CCDC85A: variants seen among roughly 807,000 people sequenced by gnomAD.
CCDC85A encodes the protein coiled-coil domain containing 85A.
A neutral mutation model predicts 50.2 loss-of-function variants in CCDC85A; 38 were observed. That is an observed-to-expected ratio of 0.76 (90% CI 0.58 to 0.99). The LOEUF is 0.99. Among genes scored for constraint, CCDC85A ranks in the 50% least tolerant of loss-of-function variants. The pLI is 0.00. For missense variants in CCDC85A, 820 were observed against 742.0 expected (o/e 1.11, Z -1.22); for synonymous variants, 366 against 301.4 (o/e 1.21, Z -2.22).
chr2:56,261,169 A>C (rs1261470082), intron 2 of CCDC85A, among the ~76,000 whole-genome samples: 2 of 152,128 alleles, frequency 1.3e-5, no homozygotes, highest in African/African-American at 4.8e-5. Flanking sequence ...GGATAATGAA[A>C]CCTCCTTCAT....
At position 56,385,529 on chromosome 2, in the gene CCDC85A, T is replaced by C. The variant is rs1676783633; in HGVS notation, c.*1174T>C. On this transcript the variant is annotated 3_prime_UTR_variant, in exon 6 of 6. Transcript: ENST00000407595. ...TAATCCAAATGCAATGATAGTTTCT[T>C]GTATGAATGTGCAAGAGGCCTGTGA... is the stretch of plus-strand genomic sequence containing the variant. 6.6e-6 allele frequency: 1 copy of C among 152,258 alleles called. No individual in the cohort carries two copies. The highest frequency in any genetic ancestry group is 2.4e-5 in the African/African-American group (1 of 41,400). 9.4% of individuals were successfully genotyped at this position (152,258 alleles called of 1,614,324 possible). A position where few individuals can be genotyped will look rare whatever the true frequency, so the allele number is the denominator to read the frequency against.
At chr2:56,347,700 G>C (rs781493469) in intron 3 of CCDC85A, among the ~76,000 whole-genome samples, 4 of 152,158 alleles carry the variant, frequency 2.6e-5, no homozygotes, top group African/African-American at 4.8e-5. Context: ...GGGCCTTTTG[G>C]TTCAGAGTGA....
chr2:56,186,378 T>C (rs1444847855), intron 1 of CCDC85A, among the ~76,000 whole-genome samples: 1 of 152,218 alleles, frequency 6.6e-6, no homozygotes, highest in Admixed American at 6.5e-5. Flanking sequence ...CCTCCTTTTA[T>C]TCACCAATAC....
intron 2 of CCDC85A, among the ~76,000 whole-genome samples, chr2:56,257,508 A>T (rs1202466714): frequency 6.6e-6 from 1 of 152,110 alleles, no homozygotes; most frequent in Non-Finnish European, 1.5e-5. Context: ...AGGTGGGAGA[A>T]GTTAGGGTTG....
chr2:56,192,477 G>C lies in CCDC85A; in HGVS notation c.277G>C (p.Asp93His). The change falls in exon 2 of 6, where the codon GAT (aspartate) becomes CAT (histidine). Residue 93 changes from aspartate (D) to histidine (H), a missense_variant and splice_region_variant. Transcript: ENST00000407595. This position sits in a 1 kb window ranked among gnomAD's most constrained non-coding sequence, Gnocchi z 4.7. ...TGAATGGTTGTGTCTCTCTTTTCAG[G>C]ATATCAACCAGAAACTCCAGGAAGA... The part of the protein sequence containing the change: ...LHLGEIRGLK[D>H]INQKLQEDNQ... The C allele has an allele frequency of 6.2e-7, 1 of 1,605,956 alleles. No individual in the cohort carries two copies. Among genetic ancestry groups the C allele is most frequent in the Non-Finnish European group, 8.5e-7 (1 of 1,176,170 alleles).
At chr2:56,262,383 A>C (rs969530924) in intron 2 of CCDC85A, among the ~76,000 whole-genome samples, 2 of 152,168 alleles carry the variant, frequency 1.3e-5, no homozygotes, top group Admixed American at 1.3e-4. Flanking sequence ...TTTTTCTGTA[A>C]CTAATTGCCA....
At chr2:56,208,451 T>A (rs1677042309) in intron 2 of CCDC85A, among the ~76,000 whole-genome samples, 1 of 152,092 alleles carries the variant, frequency 6.6e-6, no homozygotes, top group South Asian at 2.1e-4. Flanking sequence ...CAGCAGAGTA[T>A]TTTGAAGTAG....
intron 2 of CCDC85A, among the ~76,000 whole-genome samples, chr2:56,248,495 G>T (rs1393355870): frequency 6.6e-6 from 1 of 152,072 alleles, no homozygotes; most frequent in African/African-American, 2.4e-5. Context: ...TATCTCCGGA[G>T]GCCTCAGTTT....
At chr2:56,189,062 G>A (rs1054998087) in intron 1 of CCDC85A, among the ~76,000 whole-genome samples, 2 of 152,136 alleles carry the variant, frequency 1.3e-5, no homozygotes, top group Non-Finnish European at 2.9e-5. Context: ...TCTGTGCCGG[G>A]GGAAACTTCT....
chr2:56,284,574 T>C (rs1671346242), intron 2 of CCDC85A, among the ~76,000 whole-genome samples: 1 of 152,156 alleles, frequency 6.6e-6, no homozygotes, highest in Non-Finnish European at 1.5e-5. Flanking sequence ...AGTTTCACCA[T>C]GTTGGCCAGG....
intron 2 of CCDC85A, among the ~76,000 whole-genome samples, chr2:56,263,818 C>G (rs1347709607): frequency 6.6e-6 from 1 of 152,130 alleles, no homozygotes; most frequent in African/African-American, 2.4e-5. Flanking sequence ...TTTATCTCCT[C>G]CAGCTTACAC....
intron 2 of CCDC85A, among the ~76,000 whole-genome samples, chr2:56,255,955 A>G (rs1669967874): frequency 6.6e-6 from 1 of 152,122 alleles, no homozygotes; most frequent in Non-Finnish European, 1.5e-5. Flanking sequence ...ATGGGAGGAG[A>G]GTTTGGAAAA....
chr2:56,267,794 A>G (rs1035358219), intron 2 of CCDC85A, among the ~76,000 whole-genome samples: 1 of 152,222 alleles, frequency 6.6e-6, no homozygotes, highest in Non-Finnish European at 1.5e-5. Flanking sequence ...TACAATAAAA[A>G]CTAGCTAAAA....
chr2:56,279,129 T>C (rs1461927392), intron 2 of CCDC85A, among the ~76,000 whole-genome samples: 1 of 152,188 alleles, frequency 6.6e-6, no homozygotes, highest in Non-Finnish European at 1.5e-5. Flanking sequence ...TGAAGCTTAA[T>C]GGACTGTGAA....
intron 2 of CCDC85A, among the ~76,000 whole-genome samples, chr2:56,196,592 G>T (rs146305440): frequency 6.6e-6 from 1 of 152,104 alleles, no homozygotes; most frequent in Admixed American, 6.5e-5. Context: ...TAGCTGGCAG[G>T]CCTTTGCTTT....
At chr2:56,220,855 A>G (rs1190729702) in intron 2 of CCDC85A, among the ~76,000 whole-genome samples, 1 of 151,958 alleles carries the variant, frequency 6.6e-6, no homozygotes, top group Non-Finnish European at 1.5e-5. Flanking sequence ...CACGCAATAA[A>G]ATGTTCCATA....
At chr2:56,251,283 A>G (rs928061375) in intron 2 of CCDC85A, among the ~76,000 whole-genome samples, 1 of 152,158 alleles carries the variant, frequency 6.6e-6, no homozygotes, top group African/African-American at 2.4e-5. Flanking sequence ...TGCCTGGTAT[A>G]TATTAGGTGC....
In CCDC85A at chr2:56,384,020, A is replaced by T. The variant is rs375199515; in HGVS notation, c.1573-246A>T. 7.9e-5 allele frequency among the ~76,000 whole-genome samples: 12 copies of T among 151,978 alleles called. No homozygotes were observed. In the East Asian group the frequency reaches 2.1e-3, roughly 27 times the overall value. ...ACCACTTACGTAACTACAGTAAGTT[A>T]ATACATCATTTTAAAATTTTGACCC... On this transcript the variant is annotated intron_variant, in intron 5 of 5. Transcript: ENST00000407595.
chr2:56,209,803 T>C (rs1229914753), intron 2 of CCDC85A, among the ~76,000 whole-genome samples: 1 of 152,064 alleles, frequency 6.6e-6, no homozygotes, highest in African/African-American at 2.4e-5. Context: ...TGTTGAGTTA[T>C]TGTTATGTAT....
Sources: gnomAD v4.1 joint callset for allele counts (sites outside exome capture counted in the v4.1 genomes callset) on GRCh38, gnomAD v4.1.1 for gene constraint, Gnocchi (gnomAD v3.1) non-coding constraint, MANE v1.5 for transcripts, NCBI Gene and HGNC (gene_info 2026-07-23, HGNC 2026-07-21) for gene names.